The following EGFLAM variants were observed in gnomAD, a reference collection of about 807,000 sequenced individuals.
The protein encoded by EGFLAM is EGF like, fibronectin type III and laminin G domains, also known as pikachurin.
In EGFLAM, 79 loss-of-function variants were observed where a neutral mutation model predicts 113.1. That is an observed-to-expected ratio of 0.70 (90% CI 0.58 to 0.84). The LOEUF (loss-of-function observed/expected upper bound fraction) is 0.84. EGFLAM is among the 40% of genes least tolerant of loss of function. The probability of loss-of-function intolerance (pLI) is 0.00; values close to 1 mark genes in which losing one functional copy is unlikely to be tolerated. For missense variants in EGFLAM, 1,265 were observed against 1,291.6 expected (o/e 0.98, Z 0.32); for synonymous variants, 504 against 487.6 (o/e 1.03, Z -0.44).
At chr5:38,371,504 G>A (rs1648571913) in intron 6 of EGFLAM, among the ~76,000 whole-genome samples, 1 of 152,072 alleles carries the variant, frequency 6.6e-6, no homozygotes, top group African/African-American at 2.4e-5. Context: ...GAGGAATTTT[G>A]GCTCCTTTGA....
At chr5:38,307,234 C>G (rs1257798201) in intron 1 of EGFLAM, among the ~76,000 whole-genome samples, 1 of 152,204 alleles carries the variant, frequency 6.6e-6, no homozygotes, top group South Asian at 2.1e-4. Flanking sequence ...ATTTGTCTAT[C>G]TGTTGCACCT....
intron 10 of EGFLAM, among the ~76,000 whole-genome samples, chr5:38,410,419 A>C (rs1741439680): frequency 6.6e-6 from 1 of 152,180 alleles, no homozygotes; most frequent in Admixed American, 6.5e-5. Context: ...TGCTGAGTGA[A>C]TCTGCTATCC....
intron 1 of EGFLAM, among the ~76,000 whole-genome samples, chr5:38,313,073 T>C (rs956294995): frequency 3.3e-5 from 5 of 152,234 alleles, no homozygotes; most frequent in Admixed American, 2.0e-4. Context: ...GGGTGATGGA[T>C]GGAGCAAGAC....
At chr5:38,332,848 G>A (rs535502969) in intron 1 of EGFLAM, among the ~76,000 whole-genome samples, 1 of 152,258 alleles carries the variant, frequency 6.6e-6, no homozygotes, top group African/African-American at 2.4e-5. Flanking sequence ...CCTCATTCCG[G>A]TAAACCCACA....
chr5:38,442,797 T>TA (rs1223408978), intron 17 of EGFLAM, among the ~76,000 whole-genome samples: 236 of 149,320 alleles, frequency 1.6e-3, no homozygotes, highest in Non-Finnish European at 2.7e-3. Flanking sequence ...GTGACAACAT[T>TA]AAAAAAAAAA....
At chr5:38,428,956 G>C (rs1052484472) in intron 14 of EGFLAM, among the ~76,000 whole-genome samples, 1 of 152,164 alleles carries the variant, frequency 6.6e-6, no homozygotes, top group East Asian at 1.9e-4. Flanking sequence ...CCTCCTGAGC[G>C]TAAGCTAACA....
intron 1 of EGFLAM, among the ~76,000 whole-genome samples, chr5:38,313,861 T>C (rs1335712974): frequency 6.6e-6 from 1 of 152,348 alleles, no homozygotes; most frequent in African/African-American, 2.4e-5. Flanking sequence ...CACCATAAAA[T>C]GTTTTTGTCG....
chr5:38,336,359 G>A (rs138014959), intron 1 of EGFLAM, among the ~76,000 whole-genome samples: 3,090 of 152,258 alleles, frequency 0.02, 54 homozygotes, highest in Non-Finnish European at 0.032. Flanking sequence ...AGGTCACAAG[G>A]TCAGGAGATC....
At chr5:38,379,559 A>G (rs1002926032) in intron 6 of EGFLAM, among the ~76,000 whole-genome samples, 3 of 151,892 alleles carry the variant, frequency 2.0e-5, no homozygotes, top group Non-Finnish European at 4.4e-5. Context: ...TTCCTTTTGG[A>G]GGATCAGTCT....
intron 5 of EGFLAM, among the ~76,000 whole-genome samples, chr5:38,365,489 G>A (rs1018375706): frequency 6.6e-6 from 1 of 152,160 alleles, no homozygotes; most frequent in Non-Finnish European, 1.5e-5. Flanking sequence ...AGGGGCTAAT[G>A]ACACCTGCTT....
At chr5:38,290,444 T>A (rs148796935) in intron 1 of EGFLAM, among the ~76,000 whole-genome samples, 1 of 152,134 alleles carries the variant, frequency 6.6e-6, no homozygotes, top group Non-Finnish European at 1.5e-5. Flanking sequence ...CGACAGGATA[T>A]GAGCATTGAC....
At chr5:38,304,081 G>A (rs7720126) in intron 1 of EGFLAM, among the ~76,000 whole-genome samples, 2,155 of 151,528 alleles carry the variant, frequency 0.014, 43 homozygotes, top group African/African-American at 0.048. Context: ...GTGAGCCAAG[G>A]TCACGCCATT....
chr5:38,301,253 C>A (rs900740374), intron 1 of EGFLAM, among the ~76,000 whole-genome samples: 1 of 152,072 alleles, frequency 6.6e-6, no homozygotes, highest in African/African-American at 2.4e-5. Flanking sequence ...AGGAGGAAAC[C>A]AGGAGAGGGT....
At chr5:38,303,386 A>G (rs927974832) in intron 1 of EGFLAM, among the ~76,000 whole-genome samples, 2 of 152,216 alleles carry the variant, frequency 1.3e-5, no homozygotes, top group Non-Finnish European at 2.9e-5. Flanking sequence ...AAATATTATA[A>G]AGATGCTTGG....
chr5:38,305,185 C>A (rs1008272542), intron 1 of EGFLAM, among the ~76,000 whole-genome samples: 1 of 151,872 alleles, frequency 6.6e-6, no homozygotes, highest in African/African-American at 2.4e-5. Context: ...TGAAAATAGA[C>A]CAAAGCCAGG....
chr5:38,289,092 A>T (rs1758240074), intron 1 of EGFLAM, among the ~76,000 whole-genome samples: 1 of 151,560 alleles, frequency 6.6e-6, no homozygotes, highest in Non-Finnish European at 1.5e-5. Flanking sequence ...ACCTCTTTAA[A>T]CTCAGGTCTC....
At chr5:38,375,514 C>T (rs1313309542) in intron 6 of EGFLAM, among the ~76,000 whole-genome samples, 2 of 152,162 alleles carry the variant, frequency 1.3e-5, no homozygotes, top group African/African-American at 4.8e-5. Context: ...GGACACAGGC[C>T]ACTCCCTGGG....
chr5:38,437,947 A>C (rs1278351178), intron 16 of EGFLAM, among the ~76,000 whole-genome samples: 1 of 152,090 alleles, frequency 6.6e-6, no homozygotes. Flanking sequence ...AACATGGTGA[A>C]ACCCCATCTC....
intron 1 of EGFLAM, among the ~76,000 whole-genome samples, chr5:38,334,399 C>T (rs1328883851): frequency 6.6e-6 from 1 of 152,160 alleles, no homozygotes; most frequent in African/African-American, 2.4e-5. Flanking sequence ...CTTTCTGGCC[C>T]ATAGACAGCT....
Sources: allele counts gnomAD v4.1 joint callset (sites outside exome capture counted in the v4.1 genomes callset), GRCh38; gene constraint gnomAD v4.1.1; transcripts MANE v1.5; gene names NCBI Gene and HGNC (gene_info 2026-07-23, HGNC 2026-07-21).